Variants in F13A1 observed in about 807,000 individuals in gnomAD.
F13A1 encodes FSF, A subunit.
Under a neutral mutation model 80.1 loss-of-function variants are expected in F13A1, and 47 were observed. The observed-to-expected ratio is 0.59, with a 90% CI of 0.46 to 0.75. The LOEUF is 0.75. Among genes scored for constraint, F13A1 ranks in the 30% least tolerant of loss-of-function variants. The pLI is 0.00. For synonymous variants in F13A1, 349 were observed against 344.9 expected (o/e 1.01, Z -0.13); for missense variants, 817 against 930.4 (o/e 0.88, Z 1.59).
At chr6:6,297,640 TTTTC>T (rs781050356) in intron 3 of F13A1, among the ~76,000 whole-genome samples, 4 of 149,692 alleles carry the variant, frequency 2.7e-5, no homozygotes, top group Non-Finnish European at 4.4e-5. Context: ...TTCTCTCTTT[TTTTC>T]TTTATTAGTC....
At chr6:6,179,248 T>C (rs1760936846) in intron 11 of F13A1, among the ~76,000 whole-genome samples, 1 of 152,222 alleles carries the variant, frequency 6.6e-6, no homozygotes, top group African/African-American at 2.4e-5. Flanking sequence ...GGAGAAGTCT[T>C]CAGAAATTCT....
intron 3 of F13A1, among the ~76,000 whole-genome samples, chr6:6,303,662 G>A (rs989433987): frequency 6.6e-6 from 1 of 152,112 alleles, no homozygotes; most frequent in African/African-American, 2.4e-5. Context: ...CTGAAATTTT[G>A]TATTCTTTGA....
chr6:6,212,916 A>G (rs1250557465), intron 8 of F13A1, among the ~76,000 whole-genome samples: 1 of 152,230 alleles, frequency 6.6e-6, no homozygotes, highest in Non-Finnish European at 1.5e-5. Flanking sequence ...ATCAACTGGA[A>G]GAAAGGGTAT....
Position 6,195,860 on chromosome 6 carries a change from C to G in F13A1, c.1242G>C (p.Ser414=), listed in dbSNP as rs766697040. The change falls in exon 10 of 15, where the codon TCG becomes TCC. Residue 414 remains serine, a synonymous_variant. Coordinates refer to ENST00000264870, the MANE Select transcript of F13A1 (RefSeq NM_000129.4). The part of the protein sequence containing the change: ...SDGMYRCGPA[S]VQAIKHGHVC... The stretch of plus-strand genomic sequence containing the variant: ...CATGGCCGTGCTTGATGGCTTGAAC[C>G]GAGGCGGGGCCACACCGATACATGC... 1.2e-6 allele frequency: 2 copies of G among 1,614,018 alleles called. No homozygotes were observed. Among genetic ancestry groups the G allele is most frequent in the Admixed American group, 1.7e-5 (1 of 60,006 alleles).
chr6:6,147,857 A>T (rs550919493), intron 14 of F13A1, among the ~76,000 whole-genome samples: 1 of 152,250 alleles, frequency 6.6e-6, no homozygotes, highest in Non-Finnish European at 1.5e-5. Flanking sequence ...AAGTATTTTG[A>T]TAAGTGGAGC....
At chr6:6,158,026 G>A (rs1409185099) in intron 13 of F13A1, among the ~76,000 whole-genome samples, 1 of 152,066 alleles carries the variant, frequency 6.6e-6, no homozygotes, top group Non-Finnish European at 1.5e-5. Flanking sequence ...GGGCACCCAC[G>A]GTTTGGTCCC....
Position 6,174,657 on chromosome 6 carries a change from T to C in F13A1, c.1670A>G (p.Asn557Ser). 3 of 1,614,154 alleles carry C rather than the reference T, an allele frequency of 1.9e-6. No individual in the cohort carries two copies. The highest frequency in any genetic ancestry group is 2.5e-6 in the Non-Finnish European group (3 of 1,180,006). The change falls in exon 12 of 15, where the codon AAC becomes AGC. Residue 557 changes from asparagine to serine, a missense_variant. Physicochemically the swap from Asn to Ser is conservative, Grantham distance 46. Transcript: ENST00000264870. ...CGGGACCCCGGTGTAGAAGGTGATG[T>C]TGGCTGAGAGATAAGCTGTGATGGT... ...RYTITAYLSA[N>S]ITFYTGVPKA...
At chr6:6,274,050 T>C (rs926452766) in intron 3 of F13A1, among the ~76,000 whole-genome samples, 1 of 152,236 alleles carries the variant, frequency 6.6e-6, no homozygotes, top group East Asian at 1.9e-4. Flanking sequence ...GCAGATTACA[T>C]ACATATTTCC....
Position 6,145,334 on chromosome 6 carries a change from T to C in F13A1, c.*285A>G, listed in dbSNP as rs1308197134. On this transcript the variant is annotated 3_prime_UTR_variant, in exon 15 of 15. Coordinates refer to ENST00000264870, the MANE Select transcript of F13A1 (RefSeq NM_000129.4). ...TATTTGGAGATGTAGCCATTTGTGA[T>C]GATAAATGATGACTGTTACTCTTAT... 6.9e-6 allele frequency: 3 copies of C among 436,864 alleles called. No homozygotes were observed. Among genetic ancestry groups the C allele is most frequent in the Non-Finnish European group, 1.3e-5 (3 of 234,604 alleles). The allele number at this position is 436,864 out of a possible 1,614,324, so 27.1% of individuals were successfully genotyped here.
chr6:6,180,215 C>A (rs181351445), intron 11 of F13A1, among the ~76,000 whole-genome samples: 76 of 152,358 alleles, frequency 5.0e-4, no homozygotes, highest in African/African-American at 1.8e-3. Context: ...TCTGCCAATT[C>A]TTGTGTGTCC....
chr6:6,301,122 C>T (rs1261097788), intron 3 of F13A1, among the ~76,000 whole-genome samples: 1 of 152,160 alleles, frequency 6.6e-6, no homozygotes, highest in African/African-American at 2.4e-5. Flanking sequence ...GCCTTAAAAT[C>T]TAATTTCCTT....
chr6:6,168,302 C>A lies in F13A1; in HGVS notation c.1748-684G>T, dbSNP rs186995386. ...CAGATTTCTAGGTCCTGGGGACAAG[C>A]CAATGAGAATGGCATTTGGAAGATG... On this transcript the variant is annotated intron_variant, in intron 12 of 14. Transcript: ENST00000264870. Among the ~76,000 whole-genome samples, 190 of 152,318 alleles carry A rather than the reference C, an allele frequency of 1.2e-3. 1 individual carries two copies. Among genetic ancestry groups the A allele is most frequent in the Middle Eastern group, 3.4e-3 (1 of 294 alleles).
intron 6 of F13A1, among the ~76,000 whole-genome samples, chr6:6,247,820 C>T (rs775570606): frequency 7.2e-5 from 11 of 152,138 alleles, no homozygotes; most frequent in African/African-American, 1.4e-4. Flanking sequence ...GAATCAATAC[C>T]CACTTCGTAA....
Position 6,152,200 on chromosome 6 carries a change from G to A in F13A1, c.1909-251C>T, listed in dbSNP as rs914665163. Among the ~76,000 whole-genome samples, 11 of 152,272 alleles carry A rather than the reference G, an allele frequency of 7.2e-5. No individual in the cohort carries two copies. In the South Asian group the frequency reaches 1.2e-3, roughly 17 times the overall value. ...CCTAATTAGAGCTCAGGTCAATAGC[G>A]GTGGCCACTGACTGCTCTTTGACAG... is the stretch of plus-strand genomic sequence containing the variant. On this transcript the variant is annotated intron_variant, in intron 13 of 14. Transcript: ENST00000264870.
In F13A1 at chr6:6,182,183, T is replaced by C. The variant is rs751755951; in HGVS notation, c.1306-42A>G. ...AGAGCATTAGCCATCATCACATGTC[T>C]GCTGTTGCCAAAGTCTTTAACTGTC... On this transcript the variant is annotated intron_variant, in intron 10 of 14. Coordinates refer to ENST00000264870, the MANE Select transcript of F13A1 (RefSeq NM_000129.4). The C allele has an allele frequency of 7.4e-6, 12 of 1,611,060 alleles. No individual in the cohort carries two copies. In the Admixed American group the frequency reaches 2.0e-4, roughly 27 times the overall value.
chr6:6,241,143 A>G (rs1436388282), intron 6 of F13A1, among the ~76,000 whole-genome samples: 1 of 152,174 alleles, frequency 6.6e-6, no homozygotes, highest in Non-Finnish European at 1.5e-5. Context: ...ATAGAAAGAG[A>G]CAATAACACT....
intron 6 of F13A1, among the ~76,000 whole-genome samples, chr6:6,244,340 A>G (rs1297659979): frequency 2.0e-5 from 3 of 152,172 alleles, no homozygotes; most frequent in Non-Finnish European, 4.4e-5. Context: ...AAGTTTCTTC[A>G]TTTTTTCTAA....
intron 6 of F13A1, among the ~76,000 whole-genome samples, chr6:6,237,369 C>T (rs545859729): frequency 6.6e-6 from 1 of 152,240 alleles, no homozygotes; most frequent in South Asian, 2.1e-4. Flanking sequence ...CCTTGCCTGG[C>T]TCTTCATCCT....
At chr6:6,158,865 G>A (rs1439964986) in intron 13 of F13A1, among the ~76,000 whole-genome samples, 1 of 151,634 alleles carries the variant, frequency 6.6e-6, no homozygotes, top group Non-Finnish European at 1.5e-5. Context: ...TTTGTTTGGG[G>A]CACTCATTAT....
Sources: gnomAD v4.1 joint callset for allele counts (sites outside exome capture counted in the v4.1 genomes callset) on GRCh38, gnomAD v4.1.1 for gene constraint, MANE v1.5 for transcripts, NCBI Gene and HGNC (gene_info 2026-07-23, HGNC 2026-07-21) for gene names.